The following GYS2 variants were observed in gnomAD, a reference collection of about 807,000 sequenced individuals.
The protein encoded by GYS2 is glycogen synthase 2.
In GYS2, 80 loss-of-function variants were observed where a neutral mutation model predicts 85.6. That is an observed-to-expected ratio of 0.93 (90% CI 0.78 to 1.13). The LOEUF is 1.13. Among genes scored for constraint, GYS2 ranks in the 50% most tolerant of loss-of-function variants. The pLI is 0.00. For synonymous variants in GYS2, 328 were observed against 300.7 expected, an observed-to-expected ratio of 1.09 and a Z score of -0.94; for missense variants, 881 against 854.9, an observed-to-expected ratio of 1.03 and a Z score of -0.38.
chr12:21,546,485 T>A lies in GYS2; in HGVS notation c.1423-15A>T, dbSNP rs766036511. 1 of 1,566,972 alleles carries A rather than the reference T, an allele frequency of 6.4e-7. No homozygotes were observed. The highest frequency in any genetic ancestry group is 8.7e-7 in the Non-Finnish European group (1 of 1,147,258). ...TGCAAAATCACCTAAAAAAGGAAAA[T>A]TCTAATTTAAAAAAAAAGAAAAAGG... On this transcript the variant is annotated splice_polypyrimidine_tract_variant and intron_variant, in intron 11 of 15. Transcript: ENST00000261195.
intron 1 of GYS2, among the ~76,000 whole-genome samples, chr12:21,582,548 A>G (rs1010721372): frequency 6.6e-6 from 1 of 151,976 alleles, no homozygotes; most frequent in African/African-American, 2.4e-5. Context: ...AGTCAATACT[A>G]CATAATAAAC....
intron 11 of GYS2, among the ~76,000 whole-genome samples, chr12:21,552,467 A>G (rs1565595745): frequency 6.6e-6 from 1 of 152,236 alleles, no homozygotes; most frequent in Non-Finnish European, 1.5e-5. Context: ...TAAGCAGGTG[A>G]TTAAATAGGC....
At position 21,604,619 on chromosome 12, in the gene GYS2, T is replaced by A; in HGVS notation, c.-27A>T. On this transcript the variant is annotated 5_prime_UTR_variant, in exon 1 of 16. Coordinates refer to ENST00000261195, the MANE Select transcript of GYS2 (RefSeq NM_021957.4). Reference sequence around the variant, plus strand: ...CTTCTTACAGTCCTCCGAGACTCCTTTGAATTCCTGTTTCAATTAGTTGTA... The same window carrying A: ...CTTCTTACAGTCCTCCGAGACTCCTATGAATTCCTGTTTCAATTAGTTGTA... 6.2e-7 allele frequency: 1 copy of A among 1,611,618 alleles called. No individual in the cohort carries two copies. The highest frequency in any genetic ancestry group is 8.5e-7 in the Non-Finnish European group (1 of 1,178,250).
chr12:21,559,063 A>G lies in GYS2; in HGVS notation c.1308+28T>C, dbSNP rs368348920. ...TTAGATAGAATTTAATAACTATGGG[A>G]CATAGTGGGTGCTTTTTTCCTTATT... On this transcript the variant is annotated intron_variant, in intron 10 of 15. Coordinates refer to ENST00000261195, the MANE Select transcript of GYS2 (RefSeq NM_021957.4). The G allele has an allele frequency of 4.9e-6, 6 of 1,234,198 alleles. No individual in the cohort carries two copies. The African/African-American group carries it at 8.9e-5, about 18-fold the overall frequency. The allele number at this position is 1,234,198 out of a possible 1,614,324, so 76.5% of individuals were successfully genotyped here. A position where few individuals can be genotyped will look rare whatever the true frequency, so the allele number is the denominator to read the frequency against.
At chr12:21,585,126 G>A (rs1468080683) in intron 1 of GYS2, among the ~76,000 whole-genome samples, 1 of 152,164 alleles carries the variant, frequency 6.6e-6, no homozygotes, top group Admixed American at 6.5e-5. Context: ...GGAAGTGGAA[G>A]TGGAAGTGGC....
Position 21,540,467 on chromosome 12 carries a change from G to A in GYS2, c.1752C>T (p.Ile584=). Residue 584 remains isoleucine (I), a synonymous_variant, in exon 14 of 16, where the codon ATC becomes ATT. Transcript: ENST00000261195. ...AGAGCCTCTCAGTTCTGTTCCTCTG[G>A]ATAATCCTTTGGCGGCGTGACTGTT... ...FCKQSRRQRI[I]QRNRTERLSD... is the part of the protein sequence containing the mutation. 6.2e-7 allele frequency: 1 copy of A among 1,613,978 alleles called. No homozygotes were observed. The highest frequency in any genetic ancestry group is 1.1e-5 in the South Asian group (1 of 91,072).
rs746999613 is a variant in GYS2, at chr12:21,562,902, C to G, written c.1062+16G>C. The G allele has an allele frequency of 6.2e-7, 1 of 1,611,886 alleles. No individual in the cohort carries two copies. Among genetic ancestry groups the G allele is most frequent in the South Asian group, 1.1e-5 (1 of 91,046 alleles). On this transcript the variant is annotated intron_variant, in intron 7 of 15. Coordinates refer to ENST00000261195, the MANE Select transcript of GYS2 (RefSeq NM_021957.4). ...TCCCTACAAGAGTGTTATACCATGTCCTAGAGCTTTCTTACCCTCAGCAGG... is the reference window on the plus strand; with the variant it reads ...TCCCTACAAGAGTGTTATACCATGTGCTAGAGCTTTCTTACCCTCAGCAGG...
At chr12:21,594,261 C>G (rs1944671494) in intron 1 of GYS2, among the ~76,000 whole-genome samples, 1 of 151,552 alleles carries the variant, frequency 6.6e-6, no homozygotes, top group Non-Finnish European at 1.5e-5. Context: ...GCTTTCAGGT[C>G]AGAGAAAGAA....
intron 11 of GYS2, among the ~76,000 whole-genome samples, chr12:21,554,048 T>C (rs992794074): frequency 6.6e-6 from 1 of 152,212 alleles, no homozygotes; most frequent in Non-Finnish European, 1.5e-5. Context: ...ATTTTTTGTA[T>C]ATTAGCCAAT....
At chr12:21,581,831 A>T (rs970519677) in intron 1 of GYS2, among the ~76,000 whole-genome samples, 1 of 152,220 alleles carries the variant, frequency 6.6e-6, no homozygotes, top group African/African-American at 2.4e-5. Context: ...AACTTACTTA[A>T]CAGACAGAAG....
intron 4 of GYS2, 113 bp downstream of exon 4, chr12:21,574,031 A>AG: frequency 1.2e-6 from 1 of 827,050 alleles, no homozygotes; most frequent in South Asian, 1.4e-5. Flanking sequence ...ATTAGCTAAA[A>AG]GGGCATTTCT....
chr12:21,540,644 A>C, intron 13 of GYS2, 71 bp from the exon 14 acceptor site: 1 of 1,351,734 alleles, frequency 7.4e-7, no homozygotes, highest in South Asian at 1.2e-5. Context: ...CCTGTGATTT[A>C]CTAACTCTTT....
At position 21,536,832 on chromosome 12, in the gene GYS2, G is replaced by T; in HGVS notation, c.*122C>A. On this transcript the variant is annotated 3_prime_UTR_variant, in exon 16 of 16. Coordinates refer to ENST00000261195, the MANE Select transcript of GYS2 (RefSeq NM_021957.4). ...TCACTCAATTTCTTCCACTTTTTAG[G>T]CAGAGAATAAACTCCATTGTAATAC... 2.8e-6 allele frequency: 2 copies of T among 709,940 alleles called. No individual in the cohort carries two copies. The highest frequency in any genetic ancestry group is 4.9e-6 in the Non-Finnish European group (2 of 406,318). 44.0% of individuals were successfully genotyped at this position (709,940 alleles called of 1,614,324 possible).
intron 5 of GYS2, among the ~76,000 whole-genome samples, chr12:21,565,180 A>G (rs1393288630): frequency 6.6e-6 from 1 of 151,776 alleles, no homozygotes; most frequent in East Asian, 1.9e-4. Context: ...TCTCACATGC[A>G]CAGGCCTATG....
intron 15 of GYS2, 77 bp downstream of exon 15, chr12:21,539,181 A>C (rs1330564356): frequency 2.4e-6 from 2 of 829,978 alleles, no homozygotes; most frequent in East Asian, 5.1e-5. Context: ...GTGCATAGCT[A>C]CTTCCAAATT....
At chr12:21,589,131 G>T (rs952184478) in intron 1 of GYS2, among the ~76,000 whole-genome samples, 4 of 152,062 alleles carry the variant, frequency 2.6e-5, no homozygotes, top group Admixed American at 1.3e-4. Flanking sequence ...TTGCAACTAT[G>T]CATCTTACTC....
At position 21,574,185 on chromosome 12, in the gene GYS2, G is replaced by T; in HGVS notation, c.637C>A (p.Leu213Ile). 6.2e-7 allele frequency: 1 copy of T among 1,613,380 alleles called. No individual in the cohort carries two copies. The change falls in exon 4 of 16, where the codon CTC becomes ATC. Residue 213 changes from leucine to isoleucine, a missense_variant. Leu to Ile is a conservative substitution (Grantham distance 5, BLOSUM62 2). Coordinates refer to ENST00000261195, the MANE Select transcript of GYS2 (RefSeq NM_021957.4). ...TTHATLLGRY[L>I]CAANIDFYNH... ...TAGAAATCAATATTTGCTGCACAGA[G>T]ATACCTCCCAAGTAGTGTAGCGTGG...
At chr12:21,595,208 G>C (rs1218784954) in intron 1 of GYS2, among the ~76,000 whole-genome samples, 1 of 152,174 alleles carries the variant, frequency 6.6e-6, no homozygotes, top group African/African-American at 2.4e-5. Context: ...GCAGCATGTG[G>C]AGGCTCGCAT....
In GYS2 at chr12:21,563,257, G is replaced by C. The variant is rs1944277661; in HGVS notation, c.912C>G (p.Ile304Met). The change falls in exon 6 of 16, where the codon ATC becomes ATG. Residue 304 changes from isoleucine to methionine, a missense_variant. By Grantham distance (10) the Ile-to-Met change is conservative (BLOSUM62 1). Transcript: ENST00000261195. ...AGAAATGACCTCGAACAAAATCTTG[G>C]ATTCTGGCCTTGTACATGGCATGTA... Reference protein sequence around the residue: ...QNLHAMYKARIQDFVRGHFYG... With the variant: ...QNLHAMYKARMQDFVRGHFYG... 6.2e-7 allele frequency: 1 copy of C among 1,609,122 alleles called. No individual in the cohort carries two copies. The highest frequency in any genetic ancestry group is 8.5e-7 in the Non-Finnish European group (1 of 1,175,590).
Sources: gnomAD v4.1 joint callset for allele counts (sites outside exome capture counted in the v4.1 genomes callset) on GRCh38, gnomAD v4.1.1 for gene constraint, MANE v1.5 for transcripts, NCBI Gene and HGNC (gene_info 2026-07-23, HGNC 2026-07-21) for gene names.